DISC1: variants seen among roughly 807,000 people sequenced by gnomAD.
The protein encoded by DISC1 is DISC1 scaffold protein.
Under a neutral mutation model 84.5 loss-of-function variants are expected in DISC1, and 57 were observed. The ratio of observed to expected loss-of-function variants is 0.67; its 90% CI spans 0.55 to 0.84. The LOEUF (loss-of-function observed/expected upper bound fraction) is 0.84, where lower values mean the gene tolerates loss of function less well. Ranked by LOEUF, DISC1 falls within the 40% of genes least tolerant of loss-of-function variation. The pLI, the probability that DISC1 is intolerant of heterozygous loss-of-function variation, is 0.00. For synonymous variants in DISC1, 411 were observed against 415.2 expected (o/e 0.99, Z 0.12); for missense variants, 1,000 against 1,057.8 (o/e 0.95, Z 0.76).
chr1:232,009,450 TATG>T lies in DISC1; in HGVS notation c.2307+405_2307+407del. 2 of 539,674 alleles carry T rather than the reference TATG, an allele frequency of 3.7e-6. No individual in the cohort carries two copies. Among genetic ancestry groups the T allele is most frequent in the Non-Finnish European group, 2.2e-6 (1 of 455,406 alleles). 33.4% of individuals were successfully genotyped at this position (539,674 alleles called of 1,614,324 possible). ...TATACATTATGTATTGTATGTCATA[TATG>T]ATGTTTATATATTTAGAATCTATAT... On this transcript the variant is annotated intron_variant, in intron 11 of 12. Coordinates refer to ENST00000439617, the MANE Select transcript of DISC1 (RefSeq NM_018662.3). This position sits in a 1 kb window ranked among gnomAD's most constrained non-coding sequence, Gnocchi z 4.6.
chr1:231,765,370 C>T (rs560945495), intron 4 of DISC1, among the ~76,000 whole-genome samples: 29 of 152,252 alleles, frequency 1.9e-4, no homozygotes, highest in Middle Eastern at 3.4e-3. Context: ...TGCATCACCA[C>T]GCTCAGCTGT....
chr1:231,934,671 G>A (rs2090874878), intron 9 of DISC1, among the ~76,000 whole-genome samples: 1 of 152,182 alleles, frequency 6.6e-6, no homozygotes, highest in African/African-American at 2.4e-5. Flanking sequence ...ATGATTGTTA[G>A]GTTTCTTAGG....
At chr1:231,849,711 A>AT (rs67837101) in intron 9 of DISC1, among the ~76,000 whole-genome samples, 32,313 of 152,120 alleles carry the variant, frequency 0.21, 4,081 homozygotes, top group East Asian at 0.43. Flanking sequence ...GTGAGTTATT[A>AT]TACAAGCTCG....
At chr1:232,029,585 AGT>A (rs1051892956) in intron 12 of DISC1, among the ~76,000 whole-genome samples, 20 of 152,242 alleles carry the variant, frequency 1.3e-4, no homozygotes, top group Non-Finnish European at 2.9e-5. Context: ...CAGTGAGTGC[AGT>A]GTTTTGTTTG....
chr1:231,681,741 G>A (rs1041696412), intron 1 of DISC1, among the ~76,000 whole-genome samples: 10 of 151,956 alleles, frequency 6.6e-5, no homozygotes, highest in Non-Finnish European at 1.0e-4. Context: ...TGTTGCCCAG[G>A]CTGGAGTGCA....
chr1:231,815,187 T>C (rs1224050230), intron 8 of DISC1: 1 of 152,120 alleles, frequency 6.6e-6, no homozygotes, highest in African/African-American at 2.4e-5. Flanking sequence ...ATTTTTCCTC[T>C]TTTTAATTGA....
intron 7 of DISC1, among the ~76,000 whole-genome samples, chr1:231,797,828 A>T (rs2078877427): frequency 1.3e-5 from 2 of 152,122 alleles, no homozygotes; most frequent in African/African-American, 2.4e-5. Context: ...CCATTTGATA[A>T]TGAGTTCCTT....
At chr1:231,875,623 G>C (rs149294809) in intron 9 of DISC1, among the ~76,000 whole-genome samples, 3 of 152,034 alleles carry the variant, frequency 2.0e-5, no homozygotes, top group Non-Finnish European at 4.4e-5. Context: ...ACACATCTAG[G>C]TCTGTCATTA....
At chr1:231,635,518 C>A (rs2059121758) in intron 1 of DISC1, among the ~76,000 whole-genome samples, 1 of 152,144 alleles carries the variant, frequency 6.6e-6, no homozygotes, top group South Asian at 2.1e-4. Context: ...ACCTGTTTTT[C>A]TGACTCCAAT....
chr1:231,996,193 T>C (rs1447728756), intron 10 of DISC1, among the ~76,000 whole-genome samples: 1 of 151,440 alleles, frequency 6.6e-6, no homozygotes, highest in African/African-American at 2.5e-5. Context: ...GGGTTGTTTG[T>C]TTTTTTCTTG....
intron 3 of DISC1, among the ~76,000 whole-genome samples, chr1:231,721,935 T>C (rs1962161): frequency 0.32 from 49,094 of 151,866 alleles, 8,026 homozygotes; most frequent in East Asian, 0.37. Flanking sequence ...GGGCAGATCA[T>C]GAGGTCAGGA....
chr1:231,833,386 A>G lies in DISC1; in HGVS notation c.1981+14869A>G, dbSNP rs1451438777. Reference sequence around the variant, plus strand: ...TCCATATTGATTAAGAAGGGGAAGGACTTACCCTCCACTGTGAGAGTTACC... The same window carrying G: ...TCCATATTGATTAAGAAGGGGAAGGGCTTACCCTCCACTGTGAGAGTTACC... On this transcript the variant is annotated intron_variant, in intron 9 of 12. Transcript: ENST00000439617. Among the ~76,000 whole-genome samples the G allele has an allele frequency of 5.9e-5, 9 of 151,418 alleles. 1 individual carries two copies. Among genetic ancestry groups the G allele is most frequent in the African/African-American group, 1.7e-4 (7 of 40,808 alleles).
chr1:231,966,500 C>G (rs917784869), intron 10 of DISC1, among the ~76,000 whole-genome samples: 5 of 152,244 alleles, frequency 3.3e-5, no homozygotes, highest in Non-Finnish European at 7.3e-5. Context: ...TCTTATATCT[C>G]TAACCATTGT....
intron 9 of DISC1, among the ~76,000 whole-genome samples, chr1:231,876,266 C>A (rs1189959333): frequency 6.6e-6 from 1 of 152,150 alleles, no homozygotes; most frequent in Non-Finnish European, 1.5e-5. Flanking sequence ...GTGTGTGGCA[C>A]CTCCCCGCTT....
At chr1:231,627,578 C>T (rs1240726246) in intron 1 of DISC1, among the ~76,000 whole-genome samples, 1 of 152,258 alleles carries the variant, frequency 6.6e-6, no homozygotes, top group African/African-American at 2.4e-5. Context: ...GAGCGCGGGT[C>T]TCGCTGTCAA....
At chr1:231,832,529 T>A (rs1307403941) in intron 9 of DISC1, among the ~76,000 whole-genome samples, 2 of 151,860 alleles carry the variant, frequency 1.3e-5, no homozygotes, top group African/African-American at 2.4e-5. Flanking sequence ...CAGATGAGGA[T>A]GAAATTTGGA....
chr1:231,650,361 TC>T (rs879701293), intron 1 of DISC1, among the ~76,000 whole-genome samples: 1 of 152,212 alleles, frequency 6.6e-6, no homozygotes, highest in Non-Finnish European at 1.5e-5. Context: ...GGCTGAAAAT[TC>T]ATTTCTTTAA....
At chr1:231,870,748 C>T (rs771396639) in intron 9 of DISC1, among the ~76,000 whole-genome samples, 5 of 152,204 alleles carry the variant, frequency 3.3e-5, no homozygotes, top group Non-Finnish European at 5.9e-5. Context: ...ATTACAAACT[C>T]TGTTTTTAGA....
At chr1:231,709,518 G>A (rs2067532083) in intron 3 of DISC1, among the ~76,000 whole-genome samples, 1 of 152,038 alleles carries the variant, frequency 6.6e-6, no homozygotes, top group South Asian at 2.1e-4. Context: ...TTCTCTCTGG[G>A]AATGGGACCA....
Sources: allele counts gnomAD v4.1 joint callset (sites outside exome capture counted in the v4.1 genomes callset), GRCh38; gene constraint gnomAD v4.1.1; non-coding constraint Gnocchi (gnomAD v3.1); transcripts MANE v1.5; gene names NCBI Gene and HGNC (gene_info 2026-07-23, HGNC 2026-07-21).